TENM3: variants seen among roughly 807,000 people sequenced by gnomAD.
TENM3 encodes the protein teneurin transmembrane protein 3.
A neutral mutation model predicts 255.1 loss-of-function variants in TENM3; 63 were observed. The observed-to-expected ratio is 0.25, with a 90% confidence interval of 0.20 to 0.30. The LOEUF is 0.30. Ranked by LOEUF, TENM3 falls within the 10% of genes least tolerant of loss-of-function variation. TENM3 has a pLI of 1.00. For missense variants in TENM3, 2,929 were observed against 3,461.1 expected, an observed-to-expected ratio of 0.85 and a Z score of 3.86; for synonymous variants, 1,306 against 1,322.3, an observed-to-expected ratio of 0.99 and a Z score of 0.27.
At chr4:181,959,943 G>A in the TENM3 span, among the ~76,000 whole-genome samples, 1 of 152,116 alleles carries the variant, frequency 6.6e-6, no homozygotes, top group Non-Finnish European at 1.5e-5. Flanking sequence ...CCTTTAAACT[G>A]GAATCTTGGA....
the TENM3 span, among the ~76,000 whole-genome samples, chr4:181,484,575 A>T: frequency 1.3e-5 from 2 of 152,164 alleles, no homozygotes; most frequent in African/African-American, 2.4e-5. Flanking sequence ...AGGGCTTTGT[A>T]ACTGACACTA....
At chr4:182,042,880 C>T in the TENM3 span, among the ~76,000 whole-genome samples, 3 of 149,248 alleles carry the variant, frequency 2.0e-5, no homozygotes, top group African/African-American at 4.9e-5. Flanking sequence ...ATCGTGTGTG[C>T]GTGTGTGTGT....
chr4:181,683,297 C>G, the TENM3 span, among the ~76,000 whole-genome samples: 1 of 151,974 alleles, frequency 6.6e-6, no homozygotes, highest in Admixed American at 6.6e-5. Context: ...CCTAGAGGCC[C>G]AAGTCATCTT....
chr4:182,655,068 G>A (rs11937177), intron 6 of TENM3, among the ~76,000 whole-genome samples: 10,648 of 152,048 alleles, frequency 0.07, 574 homozygotes, highest in East Asian at 0.24. Flanking sequence ...CTGTAGAGGG[G>A]GTTAAAGAGG....
the TENM3 span, among the ~76,000 whole-genome samples, chr4:181,904,754 T>G: frequency 1.3e-5 from 2 of 152,270 alleles, no homozygotes; most frequent in African/African-American, 4.8e-5. Context: ...CCAAGCTATA[T>G]AAAATAGTGA....
At chr4:182,741,172 T>C (rs1218508780) in intron 18 of TENM3, among the ~76,000 whole-genome samples, 1 of 152,170 alleles carries the variant, frequency 6.6e-6, no homozygotes, top group Non-Finnish European at 1.5e-5. Flanking sequence ...CAAGACTCCA[T>C]CTCAAAAATA....
the TENM3 span, among the ~76,000 whole-genome samples, chr4:182,129,917 T>TACATACATACACAA: frequency 6.6e-6 from 1 of 152,062 alleles, no homozygotes; most frequent in Non-Finnish European, 1.5e-5. Context: ...AATACATAAG[T>TACATACATACACAA]ATATGTGAGG....
the TENM3 span, among the ~76,000 whole-genome samples, chr4:181,529,192 G>A: frequency 6.6e-6 from 1 of 152,202 alleles, no homozygotes; most frequent in Non-Finnish European, 1.5e-5. Flanking sequence ...GTGCAGTGGA[G>A]CTTCTGCTCC....
the TENM3 span, among the ~76,000 whole-genome samples, chr4:181,766,150 A>C: frequency 6.6e-6 from 1 of 152,178 alleles, no homozygotes; most frequent in Non-Finnish European, 1.5e-5. Context: ...TGGCTCCAAG[A>C]AGGTACAACT....
At chr4:181,846,506 C>A in the TENM3 span, among the ~76,000 whole-genome samples, 1 of 152,028 alleles carries the variant, frequency 6.6e-6, no homozygotes, top group East Asian at 1.9e-4. Context: ...TTGTTTGAGT[C>A]ATTTTGGTTC....
At chr4:182,744,291 G>A (rs373520527) in intron 19 of TENM3, 49 of 489,484 alleles carry the variant, frequency 1.0e-4, no homozygotes, top group Non-Finnish European at 1.2e-4. Flanking sequence ...ACACATCATC[G>A]AAGGAATTAA....
the TENM3 span, among the ~76,000 whole-genome samples, chr4:181,844,597 G>A: frequency 2.0e-5 from 3 of 151,928 alleles, no homozygotes; most frequent in Non-Finnish European, 4.4e-5. Flanking sequence ...GAACCCGGGA[G>A]GCGGAGCTTG....
At chr4:182,156,511 G>A (rs926182741) in intron 1 of TENM3, among the ~76,000 whole-genome samples, 6 of 151,422 alleles carry the variant, frequency 4.0e-5, no homozygotes, top group African/African-American at 1.2e-4. Context: ...CCCTCTCCCC[G>A]CCCTAGTAGT....
At chr4:182,078,983 A>G in the TENM3 span, among the ~76,000 whole-genome samples, 1 of 152,154 alleles carries the variant, frequency 6.6e-6, no homozygotes, top group Non-Finnish European at 1.5e-5. Context: ...AATGAATCTG[A>G]AGATTGCAGC....
At chr4:181,455,350 T>G in the TENM3 span, among the ~76,000 whole-genome samples, 1 of 152,068 alleles carries the variant, frequency 6.6e-6, no homozygotes, top group East Asian at 1.9e-4. Context: ...CAAAAGAATA[T>G]TTCTAGGTTC....
chr4:182,627,066 C>G (rs926893999), intron 4 of TENM3, among the ~76,000 whole-genome samples: 2 of 152,118 alleles, frequency 1.3e-5, no homozygotes, highest in African/African-American at 4.8e-5. Context: ...ATCTGTAGAC[C>G]AGCTTCACTA....
At chr4:182,335,834 A>G (rs1021743144) in intron 2 of TENM3, among the ~76,000 whole-genome samples, 18 of 152,290 alleles carry the variant, frequency 1.2e-4, no homozygotes, top group African/African-American at 4.1e-4. Flanking sequence ...TACAGTTTGA[A>G]AACAGAAAGA....
the TENM3 span, among the ~76,000 whole-genome samples, chr4:181,801,155 A>G: frequency 6.6e-6 from 1 of 152,082 alleles, no homozygotes; most frequent in Non-Finnish European, 1.5e-5. Context: ...ATTAGGCACT[A>G]TCTGGTCATG....
At chr4:182,779,451 T>A (rs1764989688) in intron 24 of TENM3, among the ~76,000 whole-genome samples, 1 of 152,216 alleles carries the variant, frequency 6.6e-6, no homozygotes, top group Non-Finnish European at 1.5e-5. Context: ...CTTAATCCAG[T>A]CTATCGTTGT....
Sources: gnomAD v4.1 joint callset for allele counts (sites outside exome capture counted in the v4.1 genomes callset) on GRCh38, gnomAD v4.1.1 for gene constraint, MANE v1.5 for transcripts, NCBI Gene and HGNC (gene_info 2026-07-23, HGNC 2026-07-21) for gene names.